VKORC1L1: variants seen among roughly 807,000 people sequenced by gnomAD.
VKORC1L1 encodes vitamin K epoxide reductase complex subunit 1L1.
VKORC1L1 carries 2 observed loss-of-function variants against 18.9 expected under a neutral mutation model. That is an observed-to-expected ratio of 0.11 (90% CI 0.04 to 0.33). The LOEUF is 0.33. Among genes scored for constraint, VKORC1L1 ranks in the 10% least tolerant of loss-of-function variants. VKORC1L1 has a pLI of 1.00. For missense variants in VKORC1L1, 123 were observed against 224.1 expected, an observed-to-expected ratio of 0.55 and a Z score of 2.88; for synonymous variants, 96 against 100.0, an observed-to-expected ratio of 0.96 and a Z score of 0.24.
chr7:65,907,496 C>A lies in VKORC1L1; in HGVS notation c.194+33931C>A, dbSNP rs115972708. 5.9e-3 allele frequency among the ~76,000 whole-genome samples: 895 copies of A among 152,118 alleles called. 4 individuals are homozygous for A. The highest frequency in any genetic ancestry group is 0.021 in the African/African-American group (856 of 41,508). ...ATCTTTCCTCATACAAAAAACTATT[C>A]ATGGTAGCAATATTTCTGACGGCCT... On this transcript the variant is annotated intron_variant, in intron 1 of 2. Transcript: ENST00000360768.
At chr7:65,934,862 T>G (rs1445868085) in intron 1 of VKORC1L1, among the ~76,000 whole-genome samples, 3 of 151,832 alleles carry the variant, frequency 2.0e-5, no homozygotes, top group East Asian at 3.9e-4. Context: ...AGACCAGCCT[T>G]GCCAACATAG....
chr7:65,923,992 A>G (rs960786161), intron 1 of VKORC1L1, among the ~76,000 whole-genome samples: 1 of 152,124 alleles, frequency 6.6e-6, no homozygotes, highest in African/African-American at 2.4e-5. Flanking sequence ...TTTCTGAGAT[A>G]TGGGTGGGTA....
At chr7:65,902,389 A>G (rs1265435776) in intron 1 of VKORC1L1, among the ~76,000 whole-genome samples, 1 of 152,244 alleles carries the variant, frequency 6.6e-6, no homozygotes, top group Non-Finnish European at 1.5e-5. Context: ...TGGCATTAAC[A>G]GAAGTTGAGG....
Position 65,873,282 on chromosome 7 carries a change from G to A in VKORC1L1, c.-90G>A. Reference sequence around the variant, plus strand: ...TGGTGGCGGCGGCGGCGGAGGCGGCGGTGGCGGCGGTGGCGGCTGGGTCGG... The same window carrying A: ...TGGTGGCGGCGGCGGCGGAGGCGGCAGTGGCGGCGGTGGCGGCTGGGTCGG... On this transcript the variant is annotated 5_prime_UTR_variant, in exon 1 of 3. Coordinates refer to ENST00000360768, the MANE Select transcript of VKORC1L1 (RefSeq NM_173517.6). 9.9e-7 allele frequency: 1 copy of A among 1,007,134 alleles called. No homozygotes were observed. Among genetic ancestry groups the A allele is most frequent in the Non-Finnish European group, 1.2e-6 (1 of 847,502 alleles). The allele number at this position is 1,007,134 out of a possible 1,614,324, so 62.4% of individuals were successfully genotyped here. A position where few individuals can be genotyped will look rare whatever the true frequency, so the allele number is the denominator to read the frequency against.
At chr7:65,909,480 C>T (rs1356423851) in intron 1 of VKORC1L1, among the ~76,000 whole-genome samples, 1 of 152,090 alleles carries the variant, frequency 6.6e-6, no homozygotes, top group Non-Finnish European at 1.5e-5. Context: ...AATCCTTTAT[C>T]TTTCAGCATT....
chr7:65,866,949 C>T, the VKORC1L1 span, among the ~76,000 whole-genome samples: 1 of 151,642 alleles, frequency 6.6e-6, no homozygotes, highest in African/African-American at 2.4e-5. Flanking sequence ...CCAGCACTTT[C>T]GGAGGCCGAG....
At chr7:65,914,178 T>G (rs991308297) in intron 1 of VKORC1L1, among the ~76,000 whole-genome samples, 3 of 152,130 alleles carry the variant, frequency 2.0e-5, no homozygotes, top group Non-Finnish European at 4.4e-5. Context: ...AGTGCAGTGG[T>G]GCAATCCTGG....
At chr7:65,943,662 G>T (rs1175148664) in intron 1 of VKORC1L1, among the ~76,000 whole-genome samples, 1 of 152,090 alleles carries the variant, frequency 6.6e-6, no homozygotes, top group Admixed American at 6.6e-5. Flanking sequence ...TGGGGTAGTG[G>T]CAGGCACCTT....
At chr7:65,866,073 C>G in the VKORC1L1 span, among the ~76,000 whole-genome samples, 1 of 152,054 alleles carries the variant, frequency 6.6e-6, no homozygotes, top group Admixed American at 6.6e-5. Flanking sequence ...TGAGATGGTG[C>G]CACTGCACTC....
At chr7:65,914,152 CTG>C (rs1263533803) in intron 1 of VKORC1L1, among the ~76,000 whole-genome samples, 1 of 152,178 alleles carries the variant, frequency 6.6e-6, no homozygotes, top group Non-Finnish European at 1.5e-5. Flanking sequence ...GGGTCTCACT[CTG>C]TCACCCAGAC....
intron 1 of VKORC1L1, among the ~76,000 whole-genome samples, chr7:65,918,263 A>G (rs578131443): frequency 6.6e-6 from 1 of 152,330 alleles, no homozygotes; most frequent in South Asian, 2.1e-4. Flanking sequence ...ATTGCCTGTA[A>G]CTCTTCAGGG....
At chr7:65,903,134 G>C (rs1295103542) in intron 1 of VKORC1L1, among the ~76,000 whole-genome samples, 3 of 151,762 alleles carry the variant, frequency 2.0e-5, no homozygotes, top group African/African-American at 7.2e-5. Context: ...CCAAAGTGCT[G>C]GGATTACAGG....
At chr7:65,906,734 C>T (rs1023988855) in intron 1 of VKORC1L1, among the ~76,000 whole-genome samples, 4 of 152,034 alleles carry the variant, frequency 2.6e-5, no homozygotes, top group African/African-American at 7.3e-5. Context: ...AAATCAGTGG[C>T]GTGAAAGTAA....
chr7:65,873,278 CGGCGGT>C lies in VKORC1L1; in HGVS notation c.-88_-83del. The C allele has an allele frequency of 1.0e-6, 1 of 997,636 alleles. No individual in the cohort carries two copies. Among genetic ancestry groups the C allele is most frequent in the Non-Finnish European group, 1.2e-6 (1 of 840,638 alleles). 61.8% of individuals were successfully genotyped at this position (997,636 alleles called of 1,614,324 possible). On this transcript the variant is annotated 5_prime_UTR_variant, in exon 1 of 3. Coordinates refer to ENST00000360768, the MANE Select transcript of VKORC1L1 (RefSeq NM_173517.6). ...GCGGTGGTGGCGGCGGCGGCGGAGG[CGGCGGT>C]GGCGGCGGTGGCGGCTGGGTCGGGC...
At chr7:65,909,791 C>CTCTGCA (rs1789473020) in intron 1 of VKORC1L1, among the ~76,000 whole-genome samples, 1 of 149,598 alleles carries the variant, frequency 6.7e-6, no homozygotes, top group African/African-American at 2.5e-5. Context: ...AATCTCAGCT[C>CTCTGCA]ACTGCAACCT....
At chr7:65,909,588 G>T (rs1298845797) in intron 1 of VKORC1L1, among the ~76,000 whole-genome samples, 1 of 151,878 alleles carries the variant, frequency 6.6e-6, no homozygotes, top group East Asian at 1.9e-4. Flanking sequence ...GGATCTCATT[G>T]GTTGAAAAAT....
chr7:65,926,344 C>CG (rs1253800667), intron 1 of VKORC1L1, among the ~76,000 whole-genome samples: 1 of 151,912 alleles, frequency 6.6e-6, no homozygotes. Context: ...TTAGTAGAGA[C>CG]GGGGTTTCAC....
At chr7:65,889,639 C>G (rs973653288) in intron 1 of VKORC1L1, among the ~76,000 whole-genome samples, 4 of 152,234 alleles carry the variant, frequency 2.6e-5, no homozygotes, top group African/African-American at 9.6e-5. Flanking sequence ...AATGCCAGCA[C>G]TCCAGAAAGC....
chr7:65,892,364 C>G (rs1451659562), intron 1 of VKORC1L1, among the ~76,000 whole-genome samples: 1 of 152,184 alleles, frequency 6.6e-6, no homozygotes, highest in Non-Finnish European at 1.5e-5. Flanking sequence ...GGAACGTCCA[C>G]ATAGTGATTG....
Sources: gnomAD v4.1 joint callset for allele counts (sites outside exome capture counted in the v4.1 genomes callset) on GRCh38, gnomAD v4.1.1 for gene constraint, MANE v1.5 for transcripts, NCBI Gene and HGNC (gene_info 2026-07-23, HGNC 2026-07-21) for gene names.